The following CCDC175 variants were observed in gnomAD, a reference collection of about 807,000 sequenced individuals.
The protein encoded by CCDC175 is coiled-coil domain containing 175, also known as coiled-coil domain-containing protein 175.
A neutral mutation model predicts 114.6 loss-of-function variants in CCDC175; 100 were observed. That is an observed-to-expected ratio of 0.87 (90% CI 0.74 to 1.03). The LOEUF (loss-of-function observed/expected upper bound fraction) is 1.03. Among genes scored for constraint, CCDC175 ranks in the 50% least tolerant of loss-of-function variants. CCDC175 has a pLI of 0.00. For synonymous variants in CCDC175, 306 were observed against 308.7 expected (o/e 0.99, Z 0.09); for missense variants, 880 against 917.8 (o/e 0.96, Z 0.53).
At chr14:59,525,498 C>CT (rs1246353074) in intron 15 of CCDC175, 64 bp from the exon 16 acceptor site, 3 of 1,112,746 alleles carry the variant, frequency 2.7e-6, no homozygotes, top group Non-Finnish European at 3.7e-6. Flanking sequence ...GGGTATTATA[C>CT]TGCCTAGGTC....
intron 3 of CCDC175, 134 bp from the exon 4 acceptor site, chr14:59,568,514 G>T: frequency 4.4e-6 from 3 of 681,822 alleles, no homozygotes; most frequent in Non-Finnish European, 6.8e-6. Context: ...TTACTCCCTT[G>T]GTCCCTCTCA....
chr14:59,572,180 C>T (rs547086343), intron 3 of CCDC175, among the ~76,000 whole-genome samples: 1 of 152,118 alleles, frequency 6.6e-6, no homozygotes, highest in Non-Finnish European at 1.5e-5. Context: ...ATGGGAGCAA[C>T]CCAACTGACA....
intron 17 of CCDC175, among the ~76,000 whole-genome samples, chr14:59,515,266 C>A (rs1381398478): frequency 5.9e-5 from 9 of 152,148 alleles, no homozygotes; most frequent in Non-Finnish European, 1.2e-4. Context: ...CACTAACAAG[C>A]AAAATAACCA....
intron 18 of CCDC175, 22 bp downstream of exon 18, chr14:59,511,738 A>C: frequency 6.5e-7 from 1 of 1,530,616 alleles, no homozygotes; most frequent in Non-Finnish European, 8.8e-7. Flanking sequence ...ATATGGAGGC[A>C]ACAGACACAC....
chr14:59,572,409 T>C (rs181708858), intron 3 of CCDC175, among the ~76,000 whole-genome samples: 214 of 152,272 alleles, frequency 1.4e-3, no homozygotes, highest in African/African-American at 4.9e-3. Context: ...AGTAGAATGA[T>C]GGTTTAGGCC....
intron 13 of CCDC175, 71 bp downstream of exon 13, chr14:59,537,952 C>A: frequency 9.7e-7 from 1 of 1,027,124 alleles, no homozygotes; most frequent in East Asian, 2.8e-5. Context: ...ATTAGAATAG[C>A]ATGAAATATT....
At chr14:59,511,976 GA>G (rs1477755167) in intron 17 of CCDC175, among the ~76,000 whole-genome samples, 173 bp from the exon 18 acceptor site, 1 of 152,064 alleles carries the variant, frequency 6.6e-6, no homozygotes, top group Non-Finnish European at 1.5e-5. Flanking sequence ...ACAAATAGAA[GA>G]AAGAAGCAAA....
intron 7 of CCDC175, 25 bp from the exon 8 acceptor site, chr14:59,551,461 A>C: frequency 8.2e-7 from 1 of 1,217,990 alleles, no homozygotes; most frequent in Non-Finnish European, 1.1e-6. Context: ...AGCCAAACAG[A>C]TTCATATAAG....
chr14:59,546,616 GT>G (rs201538817), intron 8 of CCDC175, among the ~76,000 whole-genome samples: 1 of 152,026 alleles, frequency 6.6e-6, no homozygotes, highest in African/African-American at 2.4e-5. Context: ...CAAGTTTTGG[GT>G]TTTTTTGCAT....
chr14:59,511,758 A>C lies in CCDC175; in HGVS notation c.2142+2T>G. The stretch of plus-strand genomic sequence containing the variant: ...GAGGCAACAGACACACGCAAAACTC[A>C]CCTTAACTGTGGTCTGAAATTCAGC... On this transcript the variant is annotated splice_donor_variant, in intron 18 of 19. Transcript: ENST00000537690. LOFTEE classifies it high-confidence loss of function. 2 of 1,536,110 alleles carry C rather than the reference A, an allele frequency of 1.3e-6. No homozygotes were observed. The highest frequency in any genetic ancestry group is 1.7e-6 in the Non-Finnish European group (2 of 1,145,976).
chr14:59,514,158 C>T (rs908571110), intron 17 of CCDC175, among the ~76,000 whole-genome samples: 27 of 152,170 alleles, frequency 1.8e-4, no homozygotes, highest in Middle Eastern at 3.2e-3. Flanking sequence ...CACCAAAACC[C>T]CATCTGTACG....
chr14:59,570,555 A>T (rs1896791617), intron 3 of CCDC175, among the ~76,000 whole-genome samples: 1 of 152,078 alleles, frequency 6.6e-6, no homozygotes, highest in South Asian at 2.1e-4. Context: ...CTTTGGAGGA[A>T]ATAAAAAGCT....
chr14:59,543,773 G>A (rs568115229), intron 9 of CCDC175, among the ~76,000 whole-genome samples: 6 of 152,188 alleles, frequency 3.9e-5, no homozygotes, highest in African/African-American at 1.2e-4. Context: ...GATTACAGGC[G>A]TGAGCCACTG....
chr14:59,552,976 C>A (rs1050761221), intron 7 of CCDC175, among the ~76,000 whole-genome samples: 12 of 152,290 alleles, frequency 7.9e-5, no homozygotes, highest in African/African-American at 2.2e-4. Flanking sequence ...GAAAAGACCA[C>A]ATCTACGTCT....
At chr14:59,511,553 A>ACAAAC (rs1892748415) in intron 18 of CCDC175, among the ~76,000 whole-genome samples, 1 of 150,412 alleles carries the variant, frequency 6.6e-6, no homozygotes, top group Admixed American at 6.6e-5. Context: ...TTTGGTAAAA[A>ACAAAC]AAAAAAAAAA....
intron 9 of CCDC175, among the ~76,000 whole-genome samples, chr14:59,544,594 G>T (rs1894991432): frequency 6.6e-6 from 1 of 152,026 alleles, no homozygotes; most frequent in Admixed American, 6.6e-5. Flanking sequence ...AGAGAGATTT[G>T]GGTAATTTTT....
intron 7 of CCDC175, among the ~76,000 whole-genome samples, chr14:59,556,359 G>T (rs1158258911): frequency 6.6e-6 from 1 of 152,196 alleles, no homozygotes; most frequent in African/African-American, 2.4e-5. Flanking sequence ...AGGAAATGGG[G>T]AAAGGATTCC....
At chr14:59,538,947 T>C in intron 11 of CCDC175, 107 bp from the exon 12 acceptor site, 1 of 1,016,514 alleles carries the variant, frequency 9.8e-7, no homozygotes, top group Non-Finnish European at 1.4e-6. Flanking sequence ...CACAAAATTG[T>C]TTGTGCTATT....
chr14:59,517,242 C>A (rs201675545), intron 17 of CCDC175, among the ~76,000 whole-genome samples: 2 of 152,180 alleles, frequency 1.3e-5, no homozygotes, highest in African/African-American at 4.8e-5. Flanking sequence ...TGGAAGCATT[C>A]CCTTGGAAAA....
Sources: gnomAD v4.1 joint callset for allele counts (sites outside exome capture counted in the v4.1 genomes callset) on GRCh38, gnomAD v4.1.1 for gene constraint, MANE v1.5 for transcripts, NCBI Gene and HGNC (gene_info 2026-07-23, HGNC 2026-07-21) for gene names.